The following FUT8 variants were observed in gnomAD, a reference collection of about 807,000 sequenced individuals.
The protein encoded by FUT8 is fucosyltransferase 8.
A neutral mutation model predicts 71.3 loss-of-function variants in FUT8; 29 were observed. The observed-to-expected ratio is 0.41, with a 90% CI of 0.30 to 0.55. The LOEUF (loss-of-function observed/expected upper bound fraction) is 0.55, where lower values mean the gene tolerates loss of function less well. Among genes scored for constraint, FUT8 ranks in the 20% least tolerant of loss-of-function variants. The pLI is 0.34. For synonymous variants in FUT8, 254 were observed against 239.3 expected (o/e 1.06, Z -0.57); for missense variants, 544 against 702.1 (o/e 0.77, Z 2.55).
In FUT8 at chr14:65,561,719, C is replaced by T. The variant is rs934447985; in HGVS notation, c.156C>T (p.Arg52=). The T allele has an allele frequency of 2.5e-6, 4 of 1,613,438 alleles. No homozygotes were observed. In the African/African-American group the frequency reaches 5.3e-5, roughly 22 times the overall value. The part of the protein sequence containing the change: ...ELSKILAKLE[R]LKQQNEDLRR... ...CCAAGATTCTGGCAAAGCTTGAACG[C>T]TTAAAACAACAGAATGAAGACTTGA... Residue 52 remains arginine (R), a synonymous_variant, in exon 3 of 11, where the codon CGC becomes CGT. Transcript: ENST00000673929.
intron 2 of FUT8, among the ~76,000 whole-genome samples, chr14:65,491,434 A>G (rs906933286): frequency 6.6e-6 from 1 of 152,134 alleles, no homozygotes; most frequent in African/African-American, 2.4e-5. Context: ...GTATTTTTAC[A>G]GAGAAACTTC....
intron 3 of FUT8, among the ~76,000 whole-genome samples, chr14:65,592,940 G>T (rs1887770822): frequency 6.6e-6 from 1 of 152,116 alleles, no homozygotes; most frequent in African/African-American, 2.4e-5. Flanking sequence ...CTGGACCAAG[G>T]CATGTTCTAT....
the FUT8 span, among the ~76,000 whole-genome samples, chr14:65,376,710 C>T: frequency 6.6e-6 from 1 of 152,174 alleles, no homozygotes; most frequent in Non-Finnish European, 1.5e-5. Flanking sequence ...CTGTGCCCTG[C>T]TCACAGTTAT....
intron 2 of FUT8, among the ~76,000 whole-genome samples, chr14:65,487,361 G>A (rs1252969582): frequency 1.3e-5 from 2 of 152,146 alleles, no homozygotes; most frequent in South Asian, 2.1e-4. Context: ...TCAGGAGTTC[G>A]AGATCAGCCT....
In FUT8 at chr14:65,687,264, A is replaced by G. The variant is rs558479827; in HGVS notation, c.835+17784A>G. On this transcript the variant is annotated intron_variant, in intron 7 of 10. Coordinates refer to ENST00000673929, the MANE Select transcript of FUT8 (RefSeq NM_001371533.1). The stretch of plus-strand genomic sequence containing the variant: ...ATCCTTTTTTACTTTTAATCTTTAA[A>G]GAGTTTTTCTCAGTTATTCTTTCCA... 5.6e-4 allele frequency among the ~76,000 whole-genome samples: 85 copies of G among 152,332 alleles called. 1 individual carries two copies. Among genetic ancestry groups the G allele is most frequent in the Middle Eastern group, 3.4e-3 (1 of 294 alleles).
At chr14:65,480,622 C>A (rs773820863) in intron 2 of FUT8, among the ~76,000 whole-genome samples, 1 of 151,194 alleles carries the variant, frequency 6.6e-6, no homozygotes, top group Non-Finnish European at 1.5e-5. Flanking sequence ...GCACAAATAA[C>A]TTTTTCAGAC....
the FUT8 span, among the ~76,000 whole-genome samples, chr14:65,359,319 G>T: frequency 1.3e-5 from 2 of 152,158 alleles, no homozygotes; most frequent in Non-Finnish European, 2.9e-5. Context: ...TCATTTTCTT[G>T]TGTATTGCAG....
chr14:65,415,176 C>G (rs1252874852), intron 1 of FUT8, among the ~76,000 whole-genome samples: 1 of 152,130 alleles, frequency 6.6e-6, no homozygotes, highest in Non-Finnish European at 1.5e-5. Flanking sequence ...GTACATTGGT[C>G]TGGAGGGGGA....
intron 2 of FUT8, among the ~76,000 whole-genome samples, chr14:65,498,346 T>G (rs1017317762): frequency 2.8e-4 from 42 of 152,310 alleles, no homozygotes; most frequent in African/African-American, 9.9e-4. Context: ...GTCTTTGCAT[T>G]GGTATCTTTA....
chr14:65,740,612 A>G (rs1896448135), intron 10 of FUT8, among the ~76,000 whole-genome samples: 1 of 152,138 alleles, frequency 6.6e-6, no homozygotes. Flanking sequence ...GCAACTTACA[A>G]TCATGGCAGA....
intron 5 of FUT8, chr14:65,617,258 G>A (rs987745637): frequency 7.0e-7 from 1 of 1,425,052 alleles, no homozygotes; most frequent in Non-Finnish European, 9.2e-7. Context: ...TTGCTTGGTT[G>A]TTTTAGGTGA....
At chr14:65,602,019 G>A (rs1002622187) in intron 3 of FUT8, among the ~76,000 whole-genome samples, 3 of 151,482 alleles carry the variant, frequency 2.0e-5, no homozygotes, top group African/African-American at 7.3e-5. Flanking sequence ...GAGGACAGGT[G>A]GTATTCCGTT....
chr14:65,477,457 G>A (rs1786586853), intron 2 of FUT8, among the ~76,000 whole-genome samples: 1 of 152,100 alleles, frequency 6.6e-6, no homozygotes, highest in Non-Finnish European at 1.5e-5. Flanking sequence ...TATTCATTGA[G>A]CATATATTTT....
intron 1 of FUT8, among the ~76,000 whole-genome samples, chr14:65,443,226 C>T (rs979856489): frequency 1.3e-5 from 2 of 151,294 alleles, no homozygotes; most frequent in East Asian, 2.0e-4. Context: ...CTGGCTAACG[C>T]GGTGAAACCC....
At chr14:65,450,014 G>C (rs1042761253) in intron 1 of FUT8, among the ~76,000 whole-genome samples, 1 of 152,138 alleles carries the variant, frequency 6.6e-6, no homozygotes, top group Admixed American at 6.5e-5. Flanking sequence ...TTTGTCATCT[G>C]TTAAACATGT....
intron 7 of FUT8, among the ~76,000 whole-genome samples, chr14:65,701,601 T>A (rs1400991749): frequency 6.6e-6 from 1 of 152,190 alleles, no homozygotes; most frequent in East Asian, 1.9e-4. Flanking sequence ...ATAAATTAAA[T>A]TTGAGATAAG....
intron 3 of FUT8, among the ~76,000 whole-genome samples, chr14:65,579,265 T>G (rs532846955): frequency 1.3e-5 from 2 of 152,186 alleles, no homozygotes; most frequent in Non-Finnish European, 2.9e-5. Context: ...TAAGTTTCCC[T>G]TCCTTTTAGA....
chr14:65,683,913 G>A (rs768043386), intron 7 of FUT8, among the ~76,000 whole-genome samples: 34 of 151,768 alleles, frequency 2.2e-4, no homozygotes, highest in Non-Finnish European at 2.6e-4. Context: ...ACTAATTAAT[G>A]TGTATGTGGG....
At chr14:65,675,346 T>C (rs905575056) in intron 7 of FUT8, among the ~76,000 whole-genome samples, 3 of 152,236 alleles carry the variant, frequency 2.0e-5, no homozygotes, top group African/African-American at 7.2e-5. Flanking sequence ...CCTACCAGGA[T>C]AAAACATGGT....
Sources: allele counts gnomAD v4.1 joint callset (sites outside exome capture counted in the v4.1 genomes callset), GRCh38; gene constraint gnomAD v4.1.1; transcripts MANE v1.5; gene names NCBI Gene and HGNC (gene_info 2026-07-23, HGNC 2026-07-21).